Variants in SPOCK1 observed in about 807,000 individuals in gnomAD.
SPOCK1 encodes testican-1.
Under a neutral mutation model 55.3 loss-of-function variants are expected in SPOCK1, and 23 were observed. That is an observed-to-expected ratio of 0.42 (90% CI 0.30 to 0.59). The LOEUF is 0.59. SPOCK1 is among the 20% of genes least tolerant of loss of function. The probability of loss-of-function intolerance (pLI) is 0.22; values close to 1 mark genes in which losing one functional copy is unlikely to be tolerated. For missense variants in SPOCK1, 499 were observed against 552.5 expected (o/e 0.90, Z 0.97); for synonymous variants, 226 against 221.0 (o/e 1.02, Z -0.20).
At chr5:137,262,697 A>G (rs1397513294) in intron 3 of SPOCK1, among the ~76,000 whole-genome samples, 1 of 152,242 alleles carries the variant, frequency 6.6e-6, no homozygotes, top group Non-Finnish European at 1.5e-5. Flanking sequence ...TCTGGAGTGT[A>G]CCAGTACGAT....
rs189720234 is a variant in SPOCK1, at chr5:137,043,073, G to C, written c.589+24642C>G. On this transcript the variant is annotated intron_variant, in intron 6 of 10. Transcript: ENST00000394945. ...ATACTAAATACACAAGATGAGCCTG[G>C]ATATTTTATTTCTGCCAGAAATTAC... 8.5e-5 allele frequency among the ~76,000 whole-genome samples: 13 copies of C among 152,170 alleles called. No homozygotes were observed. The East Asian group carries it at 2.5e-3, about 29-fold the overall frequency.
chr5:137,370,246 G>T (rs556484943), intron 2 of SPOCK1, among the ~76,000 whole-genome samples: 2 of 152,280 alleles, frequency 1.3e-5, no homozygotes, highest in Admixed American at 1.3e-4. Context: ...GGGTATGAAA[G>T]GAAACTGAAA....
At chr5:136,983,166 A>G (rs958139686) in intron 9 of SPOCK1, among the ~76,000 whole-genome samples, 11 of 152,066 alleles carry the variant, frequency 7.2e-5, no homozygotes, top group Admixed American at 2.6e-4. Flanking sequence ...CCCTAATTTA[A>G]TTTCTGATTT....
chr5:137,105,222 T>G (rs545489741), intron 5 of SPOCK1, among the ~76,000 whole-genome samples: 53 of 152,364 alleles, frequency 3.5e-4, no homozygotes, highest in Non-Finnish European at 6.6e-4. Context: ...GCACAACATG[T>G]GCAAGTGCCA....
intron 2 of SPOCK1, among the ~76,000 whole-genome samples, chr5:137,331,606 T>A (rs76155391): frequency 6.6e-6 from 1 of 152,074 alleles, no homozygotes; most frequent in Non-Finnish European, 1.5e-5. Flanking sequence ...TGAAGGAAGA[T>A]GAGGCAGGAA....
intron 2 of SPOCK1, among the ~76,000 whole-genome samples, chr5:137,452,865 C>T (rs140997288): frequency 1.1e-3 from 174 of 152,256 alleles, no homozygotes; most frequent in African/African-American, 3.9e-3. Flanking sequence ...AATCCAATAT[C>T]GCTTTTGGTC....
chr5:137,329,178 C>T (rs1758128379), intron 2 of SPOCK1, among the ~76,000 whole-genome samples: 1 of 152,162 alleles, frequency 6.6e-6, no homozygotes, highest in Non-Finnish European at 1.5e-5. Flanking sequence ...GGGAGCTCCT[C>T]TTGCGTAACT....
At chr5:137,041,022 T>C (rs1016566913) in intron 6 of SPOCK1, among the ~76,000 whole-genome samples, 2 of 152,192 alleles carry the variant, frequency 1.3e-5, no homozygotes, top group Non-Finnish European at 2.9e-5. Flanking sequence ...AAATTTTTAA[T>C]TACATTTTTT....
chr5:137,296,404 G>C (rs1423431067), intron 2 of SPOCK1, among the ~76,000 whole-genome samples: 1 of 152,162 alleles, frequency 6.6e-6, no homozygotes, highest in East Asian at 1.9e-4. Context: ...TTCTAGTCAC[G>C]AGTGATGAGC....
At chr5:137,230,722 CATCAT>C (rs1209016045) in intron 3 of SPOCK1, among the ~76,000 whole-genome samples, 3 of 152,140 alleles carry the variant, frequency 2.0e-5, no homozygotes, top group African/African-American at 7.2e-5. Context: ...GATCACATCA[CATCAT>C]ATCTTTTTAT....
chr5:137,173,452 G>T (rs928206892), intron 3 of SPOCK1, among the ~76,000 whole-genome samples: 3 of 152,072 alleles, frequency 2.0e-5, no homozygotes, highest in African/African-American at 7.2e-5. Context: ...ATAAAGAATT[G>T]TTTGTTGAAA....
intron 2 of SPOCK1, among the ~76,000 whole-genome samples, chr5:137,444,062 G>A (rs936933344): frequency 9.9e-5 from 15 of 152,132 alleles, no homozygotes; most frequent in Non-Finnish European, 1.0e-4. Flanking sequence ...TACCCATGAA[G>A]AGCGAGCCTC....
At chr5:137,469,862 A>G (rs970912081) in intron 2 of SPOCK1, among the ~76,000 whole-genome samples, 3 of 152,094 alleles carry the variant, frequency 2.0e-5, no homozygotes, top group African/African-American at 7.2e-5. Flanking sequence ...CATGGGTGGA[A>G]GCTGTGGACA....
Position 137,430,634 on chromosome 5 carries a change from T to C in SPOCK1, c.186+67739A>G, listed in dbSNP as rs553761032. On this transcript the variant is annotated intron_variant, in intron 2 of 10. Transcript: ENST00000394945. ...ACCTCTCCTGGTATTTTCATTATCT[T>C]TGTATATGTCTTCCTTGGTTGGAGA... Among the ~76,000 whole-genome samples, 12 of 152,336 alleles carry C rather than the reference T, an allele frequency of 7.9e-5. No homozygotes were observed. The East Asian group carries it at 1.7e-3, about 22-fold the overall frequency.
chr5:136,977,747 T>C lies in SPOCK1; in HGVS notation c.*907A>G, dbSNP rs989916635. 2.5e-6 allele frequency: 1 copy of C among 398,952 alleles called. No homozygotes were observed. Among genetic ancestry groups the C allele is most frequent in the Non-Finnish European group, 4.4e-6 (1 of 226,032 alleles). The allele number at this position is 398,952 out of a possible 1,614,324, so 24.7% of individuals were successfully genotyped here. ...GTGATTTAGGCAGACGGAGGTTTTT[T>C]CTCAATCAGAGGCTTTCAGTAACTC... On this transcript the variant is annotated 3_prime_UTR_variant, in exon 11 of 11. Transcript: ENST00000394945.
chr5:137,243,255 G>A (rs1638754661), intron 3 of SPOCK1, among the ~76,000 whole-genome samples: 1 of 152,070 alleles, frequency 6.6e-6, no homozygotes, highest in South Asian at 2.1e-4. Flanking sequence ...GCACGCTGAG[G>A]CCTTAAGATG....
chr5:137,353,870 T>C (rs1314434505), intron 2 of SPOCK1, among the ~76,000 whole-genome samples: 1 of 152,020 alleles, frequency 6.6e-6, no homozygotes. Flanking sequence ...AACACCTAAG[T>C]TTCCATTCCT....
intron 4 of SPOCK1, among the ~76,000 whole-genome samples, chr5:137,116,415 C>T (rs917940614): frequency 6.6e-5 from 10 of 152,122 alleles, no homozygotes; most frequent in African/African-American, 2.4e-4. Flanking sequence ...GAGGCTGAGG[C>T]GGGTGGATCA....
intron 9 of SPOCK1, among the ~76,000 whole-genome samples, chr5:136,983,311 C>CTAGTCTAGAACAT (rs1273856959): frequency 1.8e-4 from 28 of 152,266 alleles, no homozygotes; most frequent in African/African-American, 6.5e-4. Context: ...ACTCTAGGGT[C>CTAGTCTAGAACAT]TAGTCTAGAA....
Sources: gnomAD v4.1 joint callset for allele counts (sites outside exome capture counted in the v4.1 genomes callset) on GRCh38, gnomAD v4.1.1 for gene constraint, MANE v1.5 for transcripts, NCBI Gene and HGNC (gene_info 2026-07-23, HGNC 2026-07-21) for gene names.